The following ELMO2 variants were observed in gnomAD, a reference collection of about 807,000 sequenced individuals.
ELMO2 encodes engulfment and cell motility protein 2.
Under a neutral mutation model 96.2 loss-of-function variants are expected in ELMO2, and 37 were observed. The observed-to-expected ratio is 0.38, with a 90% CI of 0.30 to 0.51. The LOEUF (loss-of-function observed/expected upper bound fraction) is 0.51, where lower values mean the gene tolerates loss of function less well. ELMO2 is among the 20% of genes least tolerant of loss of function. The pLI is 0.88. For missense variants in ELMO2, 561 were observed against 912.6 expected (o/e 0.61, Z 4.96); for synonymous variants, 315 against 329.4 (o/e 0.96, Z 0.47).
intron 2 of ELMO2, among the ~76,000 whole-genome samples, chr20:46,397,166 G>A (rs536121916): frequency 8.5e-5 from 13 of 152,160 alleles, no homozygotes; most frequent in African/African-American, 2.9e-4. Context: ...TCAAAAATTC[G>A]TATACATTTT....
At chr20:46,404,766 T>TTAATATTGATTATGTTA (rs1224395210) in intron 1 of ELMO2, among the ~76,000 whole-genome samples, 2 of 152,234 alleles carry the variant, frequency 1.3e-5, no homozygotes, top group Admixed American at 6.5e-5. Flanking sequence ...TAATAATGTT[T>TTAATATTGATTATGTTA]TAATATTGAT....
At position 46,377,681 on chromosome 20, in the gene ELMO2, A is replaced by C. The variant is rs528986721; in HGVS notation, c.808-1891T>G. 7.9e-5 allele frequency among the ~76,000 whole-genome samples: 12 copies of C among 152,302 alleles called. No individual in the cohort carries two copies. In the East Asian group the frequency reaches 2.3e-3, roughly 29 times the overall value. ...ATGCTGGAGTTAGGCCTCTGCCTGC[A>C]TCCCTCCCTCCCCCTGAATCGGTGA... On this transcript the variant is annotated intron_variant, in intron 11 of 21. Transcript: ENST00000290246.
At chr20:46,388,185 C>T (rs957646418) in intron 7 of ELMO2, among the ~76,000 whole-genome samples, 1 of 152,174 alleles carries the variant, frequency 6.6e-6, no homozygotes, top group Admixed American at 6.5e-5. Context: ...TATCCTCAGG[C>T]TGAAGAGAGT....
rs977008809 is a variant in ELMO2 at position 46,375,167 on chromosome 20, T to A, written c.1065+69A>T. ...CATGGGGTTGGTTGTCAGAGCTCTG[T>A]CTGGGTGGGACCATTGACTTCCCAT... On this transcript the variant is annotated intron_variant, in intron 13 of 21. Coordinates refer to ENST00000290246, the MANE Select transcript of ELMO2 (RefSeq NM_133171.5). This position sits in a 1 kb window ranked among gnomAD's most constrained non-coding sequence, Gnocchi z 4.6. 1.3e-6 allele frequency: 2 copies of A among 1,564,446 alleles called. No homozygotes were observed. The highest frequency in any genetic ancestry group is 2.7e-5 in the African/African-American group (2 of 74,098).
intron 8 of ELMO2, among the ~76,000 whole-genome samples, chr20:46,386,935 G>T (rs1032051396): frequency 1.3e-5 from 2 of 152,082 alleles, no homozygotes; most frequent in Non-Finnish European, 2.9e-5. Flanking sequence ...ATCCAAACAG[G>T]CTACCTTGCA....
chr20:46,383,215 A>G (rs554301740), intron 10 of ELMO2, among the ~76,000 whole-genome samples: 2 of 152,190 alleles, frequency 1.3e-5, no homozygotes, highest in African/African-American at 4.8e-5. Context: ...CTCTCATCTA[A>G]GACCCAGCTG....
In ELMO2 at chr20:46,367,293, A is replaced by G; in HGVS notation, c.*67T>C. 2.2e-6 allele frequency: 3 copies of G among 1,347,692 alleles called. No homozygotes were observed. The highest frequency in any genetic ancestry group is 2.9e-6 in the Non-Finnish European group (3 of 1,020,322). 83.5% of individuals were successfully genotyped at this position (1,347,692 alleles called of 1,614,324 possible). A position where few individuals can be genotyped will look rare whatever the true frequency, so the allele number is the denominator to read the frequency against. ...CTGTACAAGCAAAAGACAAGGCACCAGAATGTAAGTGTTTCTCCTGGGCCC... is the reference window on the plus strand; with the variant it reads ...CTGTACAAGCAAAAGACAAGGCACCGGAATGTAAGTGTTTCTCCTGGGCCC... On this transcript the variant is annotated 3_prime_UTR_variant, in exon 22 of 22. Coordinates refer to ENST00000290246, the MANE Select transcript of ELMO2 (RefSeq NM_133171.5).
chr20:46,367,513 C>T lies in ELMO2; in HGVS notation c.2010G>A (p.Met670Ile). 6.2e-7 allele frequency: 1 copy of T among 1,613,508 alleles called. No homozygotes were observed. The highest frequency in any genetic ancestry group is 8.5e-7 in the Non-Finnish European group (1 of 1,179,780). The change falls in exon 22 of 22, where the codon ATG becomes ATA. Residue 670 changes from methionine (M) to isoleucine (I), a missense_variant. Physicochemically the swap from Met to Ile is conservative, Grantham distance 10. Coordinates refer to ENST00000290246, the MANE Select transcript of ELMO2 (RefSeq NM_133171.5). ...DGLSALLGKD[M>I]SSELTKSDLD... ...GGTCACTCTTGGTCAGCTCACTGGACATGTCCTTCCCCAGAAGGGCACTGA... is the reference window on the plus strand; with the variant it reads ...GGTCACTCTTGGTCAGCTCACTGGATATGTCCTTCCCCAGAAGGGCACTGA...
chr20:46,376,856 C>T, intron 11 of ELMO2: 1 of 1,214,558 alleles, frequency 8.2e-7, no homozygotes, highest in Non-Finnish European at 1.1e-6. Flanking sequence ...TAGCCATATG[C>T]AGCTATTTGC....
chr20:46,401,769 G>A (rs1041380384), intron 1 of ELMO2, among the ~76,000 whole-genome samples: 1 of 152,074 alleles, frequency 6.6e-6, no homozygotes, highest in African/African-American at 2.4e-5. Context: ...TTGTCCAGCT[G>A]GCAAACTTCA....
chr20:46,368,368 G>A (rs1324789451), intron 21 of ELMO2, among the ~76,000 whole-genome samples: 1 of 152,086 alleles, frequency 6.6e-6, no homozygotes, highest in African/African-American at 2.4e-5. Flanking sequence ...AGAAGGACCA[G>A]TTCCATCTGG....
At chr20:46,382,166 G>A in intron 10 of ELMO2, 2 of 1,287,138 alleles carry the variant, frequency 1.6e-6, no homozygotes, top group South Asian at 1.2e-5. Context: ...TTCCCCACCT[G>A]CAAGAGCTGG....
chr20:46,375,218 A>T lies in ELMO2; in HGVS notation c.1065+18T>A. 1 of 1,612,016 alleles carries T rather than the reference A, an allele frequency of 6.2e-7. No homozygotes were observed. The highest frequency in any genetic ancestry group is 8.5e-7 in the Non-Finnish European group (1 of 1,179,482). ...CAGGGGAGAGGGCCTACCACCGTCT[A>T]TGCTCTGAGGTACTTACGGTAAATC... On this transcript the variant is annotated intron_variant, in intron 13 of 21. Coordinates refer to ENST00000290246, the MANE Select transcript of ELMO2 (RefSeq NM_133171.5). The surrounding 1 kb of genome is among the most constrained non-coding windows in gnomAD (Gnocchi z 4.6).
Position 46,392,535 on chromosome 20 carries a change from G to C in ELMO2, c.243+558C>G, listed in dbSNP as rs375714841. Among the ~76,000 whole-genome samples, 19 of 152,220 alleles carry C rather than the reference G, an allele frequency of 1.2e-4. No homozygotes were observed. The East Asian group carries it at 1.3e-3, about 11-fold the overall frequency. ...AAATCTAAACATAACATATCTTCCT[G>C]CTTAAAATTCTTCAATGTCCCCAGT... On this transcript the variant is annotated intron_variant, in intron 6 of 21. Transcript: ENST00000290246.
In ELMO2 at chr20:46,386,231, A is replaced by C. The variant is rs750733671; in HGVS notation, c.570T>G (p.Leu190=). The C allele has an allele frequency of 6.2e-7, 1 of 1,614,104 alleles. No homozygotes were observed. The highest frequency in any genetic ancestry group is 1.7e-5 in the Admixed American group (1 of 60,024). The change falls in exon 9 of 22, where the codon CTT becomes CTG. Residue 190 remains leucine (L), a synonymous_variant. Transcript: ENST00000290246. ...VSQPMVDVSI[L]QRSLAILESM... is the part of the protein sequence containing the mutation. ...TCTCCAGGATGGCCAGGGACCTCTG[A>C]AGGATTGACACGTCCACCATGGGCT...
At chr20:46,404,161 GT>G (rs1221594995) in intron 1 of ELMO2, among the ~76,000 whole-genome samples, 1 of 152,186 alleles carries the variant, frequency 6.6e-6, no homozygotes, top group Non-Finnish European at 1.5e-5. Flanking sequence ...CATGGTATGT[GT>G]TTTTTTCTAT....
chr20:46,368,430 A>C (rs2059627792), intron 21 of ELMO2, among the ~76,000 whole-genome samples: 2 of 152,174 alleles, frequency 1.3e-5, no homozygotes, highest in South Asian at 4.1e-4. Flanking sequence ...AGCCCCTAGG[A>C]GGAAGGATCT....
At chr20:46,401,021 C>A (rs6062987) in intron 1 of ELMO2, among the ~76,000 whole-genome samples, 151,568 of 152,332 alleles carry the variant, frequency 0.99, 75,409 homozygotes, top group Middle Eastern at 1. Flanking sequence ...CTATTCCTTT[C>A]AGGATAAGAA....
In ELMO2 at chr20:46,375,140, A is replaced by C; in HGVS notation, c.1065+96T>G. Reference sequence around the variant, plus strand: ...CCTAACTGTCATCTATTCCAGGGCCACCATGGGGTTGGTTGTCAGAGCTCT... The same window carrying C: ...CCTAACTGTCATCTATTCCAGGGCCCCCATGGGGTTGGTTGTCAGAGCTCT... On this transcript the variant is annotated intron_variant, in intron 13 of 21. Coordinates refer to ENST00000290246, the MANE Select transcript of ELMO2 (RefSeq NM_133171.5). This position sits in a 1 kb window ranked among gnomAD's most constrained non-coding sequence, Gnocchi z 4.6. 10 of 1,483,750 alleles carry C rather than the reference A, an allele frequency of 6.7e-6. No homozygotes were observed. The highest frequency in any genetic ancestry group is 8.1e-6 in the Non-Finnish European group (9 of 1,106,136). The allele number at this position is 1,483,750 out of a possible 1,614,324, so 91.9% of individuals were successfully genotyped here. A position where few individuals can be genotyped will look rare whatever the true frequency, so the allele number is the denominator to read the frequency against.
Sources: allele counts gnomAD v4.1 joint callset (sites outside exome capture counted in the v4.1 genomes callset), GRCh38; gene constraint gnomAD v4.1.1; non-coding constraint Gnocchi (gnomAD v3.1); transcripts MANE v1.5; gene names NCBI Gene and HGNC (gene_info 2026-07-23, HGNC 2026-07-21).